BAZ1A: variants seen among roughly 807,000 people sequenced by gnomAD.
The protein encoded by BAZ1A is bromodomain adjacent to zinc finger domain 1A.
A neutral mutation model predicts 185.2 loss-of-function variants in BAZ1A; 50 were observed. That is an observed-to-expected ratio of 0.27 (90% CI 0.22 to 0.34). The LOEUF is 0.34. Among genes scored for constraint, BAZ1A ranks in the 10% least tolerant of loss-of-function variants. The pLI is 1.00. For synonymous variants in BAZ1A, 571 were observed against 615.6 expected (o/e 0.93, Z 1.07); for missense variants, 1,356 against 1,839.9 (o/e 0.74, Z 4.81).
At chr14:34,773,763 G>T in intron 19 of BAZ1A, 37 bp from the exon 20 acceptor site, 3 of 1,599,502 alleles carry the variant, frequency 1.9e-6, no homozygotes, top group Non-Finnish European at 2.6e-6. Context: ...CATGAAAAAT[G>T]GAATATATTG....
chr14:34,816,067 T>C (rs1051876340), intron 4 of BAZ1A, among the ~76,000 whole-genome samples: 1 of 147,862 alleles, frequency 6.8e-6, no homozygotes, highest in African/African-American at 2.5e-5. Context: ...GCTACATACA[T>C]ATTATTCCAG....
intron 2 of BAZ1A, among the ~76,000 whole-genome samples, chr14:34,873,312 T>C (rs1031126907): frequency 2.6e-5 from 4 of 152,112 alleles, no homozygotes; most frequent in Non-Finnish European, 5.9e-5. Flanking sequence ...GGGACTCCTT[T>C]TGAGTGCAGA....
At chr14:34,778,655 T>C (rs2138594143) in intron 17 of BAZ1A, among the ~76,000 whole-genome samples, 1 of 152,340 alleles carries the variant, frequency 6.6e-6, no homozygotes, top group Non-Finnish European at 1.5e-5. Flanking sequence ...ATTTTATTTT[T>C]GCATACATTT....
At chr14:34,774,214 T>G (rs1879436435) in intron 19 of BAZ1A, 113 bp downstream of exon 19, 1 of 762,150 alleles carries the variant, frequency 1.3e-6, no homozygotes, top group African/African-American at 1.8e-5. Flanking sequence ...TTTATCATTC[T>G]CTGGTGTTTA....
At chr14:34,767,836 CT>C (rs1236014942) in intron 21 of BAZ1A, among the ~76,000 whole-genome samples, 2 of 152,044 alleles carry the variant, frequency 1.3e-5, no homozygotes, top group African/African-American at 4.8e-5. Flanking sequence ...TTATGAAGAA[CT>C]TTTAGAATCT....
At chr14:34,769,187 A>G (rs573747685) in intron 21 of BAZ1A, among the ~76,000 whole-genome samples, 128 of 152,224 alleles carry the variant, frequency 8.4e-4, no homozygotes, top group East Asian at 1.5e-3. Flanking sequence ...TCTCTTCCCA[A>G]TCACTGATAT....
chr14:34,790,414 C>A (rs1416170035), intron 12 of BAZ1A, among the ~76,000 whole-genome samples: 1 of 152,080 alleles, frequency 6.6e-6, no homozygotes, highest in Non-Finnish European at 1.5e-5. Flanking sequence ...AGTGCAGTGT[C>A]GTGATCTCGG....
At chr14:34,817,451 G>T (rs2042023170) in intron 4 of BAZ1A, among the ~76,000 whole-genome samples, 1 of 152,210 alleles carries the variant, frequency 6.6e-6, no homozygotes, top group Non-Finnish European at 1.5e-5. Context: ...AGCTGGAGGT[G>T]TTGGCACACA....
chr14:34,797,269 A>G (rs1881246437), intron 9 of BAZ1A, among the ~76,000 whole-genome samples: 1 of 152,170 alleles, frequency 6.6e-6, no homozygotes, highest in Non-Finnish European at 1.5e-5. Flanking sequence ...CAAAGTGTTA[A>G]TTCTCTCTGG....
chr14:34,783,146 C>A lies in BAZ1A; in HGVS notation c.2084G>T (p.Arg695Ile), dbSNP rs781411717. The A allele has an allele frequency of 3.0e-5, 49 of 1,607,574 alleles. No individual in the cohort carries two copies. Among genetic ancestry groups the A allele is most frequent in the Admixed American group, 8.4e-5 (5 of 59,612 alleles). ...AATAGATATATCTGCCGTTGAATTT[C>A]TTTGCTCATCTTCTTTCAGTTTTTC... Reference protein sequence around the residue: ...KQEKLKEDEQRNSTADISIGE... With the variant: ...KQEKLKEDEQINSTADISIGE... The change falls in exon 16 of 27, where the codon AGA (arginine) becomes ATA (isoleucine). Residue 695 changes from arginine to isoleucine, a missense_variant. Arg to Ile is a moderately conservative substitution (Grantham distance 97). This residue lies in a region of BAZ1A where 434 missense variants were observed against 561.7 expected (regional missense o/e 0.77). Coordinates refer to ENST00000360310, the MANE Select transcript of BAZ1A (RefSeq NM_013448.3).
chr14:34,867,876 C>T (rs959856074), intron 2 of BAZ1A, among the ~76,000 whole-genome samples: 1 of 152,174 alleles, frequency 6.6e-6, no homozygotes, highest in South Asian at 2.1e-4. Flanking sequence ...TTTAAATGTG[C>T]AGAATTTGTT....
At chr14:34,820,904 T>G (rs2042079701) in intron 4 of BAZ1A, among the ~76,000 whole-genome samples, 1 of 152,214 alleles carries the variant, frequency 6.6e-6, no homozygotes, top group Non-Finnish European at 1.5e-5. Flanking sequence ...GTCTTTATTC[T>G]GATTCATTGA....
At chr14:34,827,177 G>A (rs2042176158) in intron 3 of BAZ1A, among the ~76,000 whole-genome samples, 1 of 152,122 alleles carries the variant, frequency 6.6e-6, no homozygotes, top group Non-Finnish European at 1.5e-5. Context: ...AAAATCCAAT[G>A]AGACTAAATT....
Position 34,795,852 on chromosome 14 carries a change from A to G in BAZ1A, c.1129-87T>C, listed in dbSNP as rs949781328. On this transcript the variant is annotated intron_variant, in intron 9 of 26. Transcript: ENST00000360310. ...CTCCTGAGAACTTGTTAGAAATGCA[A>G]ATACTTGGACCTTACCCCATACCTA... is the stretch of plus-strand genomic sequence containing the variant. 9.0e-6 allele frequency: 9 copies of G among 996,192 alleles called. No homozygotes were observed. The East Asian group carries it at 1.2e-4, about 14-fold the overall frequency. The allele number at this position is 996,192 out of a possible 1,614,324, so 61.7% of individuals were successfully genotyped here.
Position 34,862,314 on chromosome 14 carries a change from A to G in BAZ1A, c.122T>C (p.Phe41Ser), listed in dbSNP as rs779813277. 1 of 1,591,332 alleles carries G rather than the reference A, an allele frequency of 6.3e-7. No homozygotes were observed. The highest frequency in any genetic ancestry group is 1.8e-5 in the Admixed American group (1 of 54,908). Reference protein sequence around the residue: ...NEIFRHYDDFFERTILCNSLV... With the variant: ...NEIFRHYDDFSERTILCNSLV... Reference sequence around the variant, plus strand: ...GCTGTTGCACAGAATGGTTCGTTCAAAAAAGTCACTGATTAAAAAACAAAA... The same window carrying G: ...GCTGTTGCACAGAATGGTTCGTTCAGAAAAGTCACTGATTAAAAAACAAAA... The change falls in exon 3 of 27, where the codon TTT (phenylalanine) becomes TCT (serine). Residue 41 changes from phenylalanine (F) to serine (S), a missense_variant. This residue lies in a region of BAZ1A where 332 missense variants were observed against 395.3 expected (regional missense o/e 0.84). Coordinates refer to ENST00000360310, the MANE Select transcript of BAZ1A (RefSeq NM_013448.3).
intron 12 of BAZ1A, among the ~76,000 whole-genome samples, chr14:34,789,245 A>G (rs764883566): frequency 1.3e-5 from 2 of 152,200 alleles, no homozygotes; most frequent in Non-Finnish European, 2.9e-5. Flanking sequence ...TGCAGCAATC[A>G]CCACATTCAA....
At chr14:34,816,912 T>A (rs1381182662) in intron 4 of BAZ1A, 1 of 352,278 alleles carries the variant, frequency 2.8e-6, no homozygotes, top group East Asian at 8.7e-5. Flanking sequence ...GATATTTACA[T>A]ATAAATTTTC....
At chr14:34,872,875 T>TA (rs1555346571) in intron 2 of BAZ1A, among the ~76,000 whole-genome samples, 10 of 142,910 alleles carry the variant, frequency 7.0e-5, no homozygotes, top group South Asian at 2.2e-4. Flanking sequence ...GTTTTTTTTT[T>TA]ATCGTAATTG....
At chr14:34,850,239 G>A (rs2042576832) in intron 3 of BAZ1A, among the ~76,000 whole-genome samples, 1 of 152,122 alleles carries the variant, frequency 6.6e-6, no homozygotes, top group African/African-American at 2.4e-5. Context: ...TTATCCAGGT[G>A]TGGTGGAATG....
Sources: allele counts gnomAD v4.1 joint callset (sites outside exome capture counted in the v4.1 genomes callset), GRCh38; gene constraint gnomAD v4.1.1; regional missense constraint gnomAD v4.1.1; transcripts MANE v1.5; gene names NCBI Gene and HGNC (gene_info 2026-07-23, HGNC 2026-07-21).